Variants in LIN7A observed in about 807,000 individuals in gnomAD.
LIN7A encodes the protein protein lin-7 homolog A.
A neutral mutation model predicts 29.8 loss-of-function variants in LIN7A; 25 were observed. That is an observed-to-expected ratio of 0.84 (90% CI 0.61 to 1.17). The LOEUF is 1.17. Among genes scored for constraint, LIN7A ranks in the 50% most tolerant of loss-of-function variants. The pLI is 0.00. For missense variants in LIN7A, 239 were observed against 287.0 expected (o/e 0.83, Z 1.21); for synonymous variants, 118 against 107.5 (o/e 1.10, Z -0.60).
chr12:80,897,804 A>T (rs1684349003), intron 1 of LIN7A, among the ~76,000 whole-genome samples: 1 of 151,968 alleles, frequency 6.6e-6, no homozygotes, highest in Non-Finnish European at 1.5e-5. Flanking sequence ...GACTGTCTCA[A>T]AAAAAATAAA....
At chr12:80,870,872 T>C (rs1175627335) in intron 2 of LIN7A, among the ~76,000 whole-genome samples, 1 of 152,218 alleles carries the variant, frequency 6.6e-6, no homozygotes, top group Non-Finnish European at 1.5e-5. Flanking sequence ...TTCACAAATT[T>C]TGGGCCACAT....
chr12:80,926,546 T>C (rs1311275208), intron 1 of LIN7A, among the ~76,000 whole-genome samples: 1 of 152,212 alleles, frequency 6.6e-6, no homozygotes, highest in Non-Finnish European at 1.5e-5. Flanking sequence ...AAATAATTAC[T>C]TTGACAGTTT....
chr12:80,907,724 G>A (rs1217089254), intron 1 of LIN7A, among the ~76,000 whole-genome samples: 15 of 152,038 alleles, frequency 9.9e-5, no homozygotes. Context: ...TCCATAGAGT[G>A]TTACACCAAC....
At chr12:80,829,861 T>A (rs1296128592) in intron 4 of LIN7A, among the ~76,000 whole-genome samples, 1 of 152,236 alleles carries the variant, frequency 6.6e-6, no homozygotes, top group Non-Finnish European at 1.5e-5. Flanking sequence ...AAATATTAAC[T>A]TACATCCACA....
In LIN7A at chr12:80,794,786, A is replaced by G. The variant is rs1870371558; in HGVS notation, c.*2941T>C. 1 of 152,170 alleles carries G rather than the reference A, an allele frequency of 6.6e-6. No individual in the cohort carries two copies. Among genetic ancestry groups the G allele is most frequent in the Admixed American group, 6.6e-5 (1 of 15,256 alleles). 9.4% of individuals were successfully genotyped at this position (152,170 alleles called of 1,614,324 possible). ...CACAAAAGTCTGTTATTCTTTCCAA[A>G]GTCAATTGTAACTTAAGCTCATTAT... On this transcript the variant is annotated 3_prime_UTR_variant, in exon 6 of 6. Transcript: ENST00000552864.
intron 4 of LIN7A, among the ~76,000 whole-genome samples, chr12:80,837,821 A>C (rs2121532308): frequency 6.6e-6 from 1 of 151,270 alleles, no homozygotes; most frequent in South Asian, 2.1e-4. Context: ...ATATGTATGT[A>C]TTTATCATCA....
chr12:80,859,588 C>A lies in LIN7A; in HGVS notation c.202-11266G>T, dbSNP rs183359293. ...ACATCTATTTATGTCATTTATAAGC[C>A]CAGCCTTAATCATATTGAACCTATT... On this transcript the variant is annotated intron_variant, in intron 2 of 5. Coordinates refer to ENST00000552864, the MANE Select transcript of LIN7A (RefSeq NM_004664.4). 2.0e-5 allele frequency among the ~76,000 whole-genome samples: 3 copies of A among 151,984 alleles called. No homozygotes were observed. The East Asian group carries it at 5.8e-4, about 29-fold the overall frequency.
At chr12:80,859,723 G>T (rs537333597) in intron 2 of LIN7A, among the ~76,000 whole-genome samples, 46 of 152,204 alleles carry the variant, frequency 3.0e-4, no homozygotes, top group African/African-American at 9.6e-4. Flanking sequence ...TTTAACAAAT[G>T]ATTTTAAAGT....
intron 5 of LIN7A, among the ~76,000 whole-genome samples, chr12:80,808,085 C>A (rs549538194): frequency 4.6e-5 from 7 of 152,312 alleles, no homozygotes; most frequent in African/African-American, 1.7e-4. Context: ...CACCACTGTT[C>A]TTCTGACTCA....
chr12:80,867,483 C>T (rs753843713), intron 2 of LIN7A, among the ~76,000 whole-genome samples: 10 of 152,328 alleles, frequency 6.6e-5, no homozygotes, highest in African/African-American at 7.2e-5. Flanking sequence ...CAAAATCATT[C>T]TACCAGTTAG....
chr12:80,899,595 T>C (rs1211768138), intron 1 of LIN7A, among the ~76,000 whole-genome samples: 2 of 151,932 alleles, frequency 1.3e-5, no homozygotes, highest in Admixed American at 1.3e-4. Context: ...GAAAATTTGG[T>C]CATGAATCCA....
chr12:80,923,285 C>A (rs1262820337), intron 1 of LIN7A, among the ~76,000 whole-genome samples: 2 of 152,140 alleles, frequency 1.3e-5, no homozygotes, highest in Non-Finnish European at 2.9e-5. Flanking sequence ...CTGAGAGTTA[C>A]ACTGCTGGCT....
chr12:80,865,306 A>G (rs1227382235), intron 2 of LIN7A, among the ~76,000 whole-genome samples: 1 of 152,194 alleles, frequency 6.6e-6, no homozygotes, highest in Non-Finnish European at 1.5e-5. Context: ...AAGCACATTC[A>G]TCTGTCATTT....
intron 2 of LIN7A, 91 bp from the exon 3 acceptor site, chr12:80,848,413 GA>G (rs1212093397): frequency 1.2e-5 from 12 of 991,584 alleles, no homozygotes; most frequent in South Asian, 1.0e-4. Context: ...TTCACTGTAG[GA>G]AAAAAATTCT....
Position 80,876,951 on chromosome 12 carries a change from G to T in LIN7A, c.201+12300C>A, listed in dbSNP as rs375349784. On this transcript the variant is annotated intron_variant, in intron 2 of 5. Coordinates refer to ENST00000552864, the MANE Select transcript of LIN7A (RefSeq NM_004664.4). ...ACCCTGGCCAACATGATGAAACCCC[G>T]TCTCTACTAAAAATACAAAAACTAG... Among the ~76,000 whole-genome samples, 605 of 151,590 alleles carry T rather than the reference G, an allele frequency of 4.0e-3. 8 individuals carry two copies. Among genetic ancestry groups the T allele is most frequent in the Admixed American group, 0.011 (169 of 15,206 alleles).
chr12:80,928,103 A>G (rs1877704294), intron 1 of LIN7A, among the ~76,000 whole-genome samples: 2 of 152,088 alleles, frequency 1.3e-5, no homozygotes, highest in Admixed American at 1.3e-4. Context: ...AATCCAGTCT[A>G]TCATTGATGG....
intron 4 of LIN7A, among the ~76,000 whole-genome samples, chr12:80,844,127 A>G (rs1223531576): frequency 1.3e-5 from 2 of 152,106 alleles, no homozygotes; most frequent in Non-Finnish European, 2.9e-5. Context: ...TCTGGGGCAT[A>G]AGCCTCTATG....
At chr12:80,935,721 T>G (rs770305818) in intron 1 of LIN7A, 2 of 468,616 alleles carry the variant, frequency 4.3e-6, no homozygotes, top group Non-Finnish European at 9.5e-6. Flanking sequence ...TTCCATGAGC[T>G]GCTGATGAAT....
intron 4 of LIN7A, among the ~76,000 whole-genome samples, chr12:80,823,603 C>A (rs1201819632): frequency 6.6e-6 from 1 of 152,162 alleles, no homozygotes; most frequent in Admixed American, 6.5e-5. Context: ...AGGATCCAGG[C>A]GAGTAGCAGA....
Sources: gnomAD v4.1 joint callset for allele counts (sites outside exome capture counted in the v4.1 genomes callset) on GRCh38, gnomAD v4.1.1 for gene constraint, MANE v1.5 for transcripts, NCBI Gene and HGNC (gene_info 2026-07-23, HGNC 2026-07-21) for gene names.